The following ZFYVE9 variants were observed in gnomAD, a reference collection of about 807,000 sequenced individuals.
The protein encoded by ZFYVE9 is zinc finger FYVE domain-containing protein 9.
In ZFYVE9, 43 loss-of-function variants were observed where a neutral mutation model predicts 126.7. That is an observed-to-expected ratio of 0.34 (90% confidence interval 0.27 to 0.44). The LOEUF is 0.44. Ranked by LOEUF, ZFYVE9 falls within the 20% of genes least tolerant of loss-of-function variation. The probability of loss-of-function intolerance (pLI) is 1.00; values close to 1 mark genes in which losing one functional copy is unlikely to be tolerated. For missense variants in ZFYVE9, 1,476 were observed against 1,697.0 expected (o/e 0.87, Z 2.29); for synonymous variants, 521 against 597.4 (o/e 0.87, Z 1.87).
chr1:52,184,535 C>T (rs1057187759), intron 1 of ZFYVE9, among the ~76,000 whole-genome samples: 65 of 142,872 alleles, frequency 4.5e-4, no homozygotes, highest in African/African-American at 1.5e-3. Context: ...TGTGAGCCAC[C>T]GCATCTGGCC....
At chr1:52,268,669 A>G (rs377564342) in intron 7 of ZFYVE9, 37 bp downstream of exon 7, 14 of 1,602,244 alleles carry the variant, frequency 8.7e-6, no homozygotes, top group South Asian at 5.6e-5. Context: ...TTGCATAGCT[A>G]CTTTACTCAG....
At chr1:52,303,724 TA>T in intron 12 of ZFYVE9, 96 bp from the exon 13 acceptor site, 1 of 679,726 alleles carries the variant, frequency 1.5e-6, no homozygotes, top group Non-Finnish European at 2.3e-6. Flanking sequence ...GATCTTTCAA[TA>T]TTGACATTTT....
chr1:52,185,719 C>T (rs1037318224), intron 1 of ZFYVE9, among the ~76,000 whole-genome samples: 47 of 152,004 alleles, frequency 3.1e-4, no homozygotes, highest in African/African-American at 8.2e-4. Flanking sequence ...GTCAAGAAAT[C>T]GAGACCATCC....
At chr1:52,283,662 CT>C (rs1240893740) in intron 10 of ZFYVE9, among the ~76,000 whole-genome samples, 1 of 152,092 alleles carries the variant, frequency 6.6e-6, no homozygotes, top group African/African-American at 2.4e-5. Flanking sequence ...CAAAATTAAT[CT>C]TTGGTGATAG....
chr1:52,182,107 C>T (rs1644714501), intron 1 of ZFYVE9, among the ~76,000 whole-genome samples: 1 of 151,504 alleles, frequency 6.6e-6, no homozygotes, highest in Non-Finnish European at 1.5e-5. Context: ...GGGGGTCAGC[C>T]CCCCGTCCAG....
intron 1 of ZFYVE9, among the ~76,000 whole-genome samples, chr1:52,173,776 T>A (rs1644595367): frequency 1.3e-5 from 2 of 152,216 alleles, no homozygotes; most frequent in Non-Finnish European, 2.9e-5. Flanking sequence ...CTAGATTTTC[T>A]AGTTTATTTG....
chr1:52,314,803 C>T lies in ZFYVE9; in HGVS notation c.3438+10878C>T, dbSNP rs568717849. The stretch of plus-strand genomic sequence containing the variant: ...CTCCAACTTGGACTACAGAGTGAGA[C>T]CCGGTCTCAAAAAGAAAAAAAAAAG... On this transcript the variant is annotated intron_variant, in intron 13 of 18. Transcript: ENST00000287727. Among the ~76,000 whole-genome samples the T allele has an allele frequency of 2.0e-5, 3 of 151,604 alleles. 1 individual carries two copies. The South Asian group carries it at 6.3e-4, about 32-fold the overall frequency.
intron 1 of ZFYVE9, among the ~76,000 whole-genome samples, chr1:52,150,924 C>G (rs1644350800): frequency 6.6e-6 from 1 of 151,872 alleles, no homozygotes; most frequent in Admixed American, 6.6e-5. Context: ...TAAAACACTG[C>G]CAGTTTGAAA....
chr1:52,332,909 C>G lies in ZFYVE9; in HGVS notation c.3580C>G (p.Pro1194Ala). 6.2e-7 allele frequency: 1 copy of G among 1,613,952 alleles called. No homozygotes were observed. Among genetic ancestry groups the G allele is most frequent in the Non-Finnish European group, 8.5e-7 (1 of 1,179,956 alleles). ...CCAGGCTATCAGTATTCACAATCAG[C>G]CCAGAAAAGGTGAGCATTTGAGCTG... ...QTQAISIHNQPRKVTGASFFV... is the reference protein window; with the variant it reads ...QTQAISIHNQARKVTGASFFV... The change falls in exon 14 of 19, where the codon CCC (proline) becomes GCC (alanine). Residue 1194 changes from proline to alanine, a missense_variant. Coordinates refer to ENST00000287727, the MANE Select transcript of ZFYVE9 (RefSeq NM_004799.4).
intron 7 of ZFYVE9, among the ~76,000 whole-genome samples, chr1:52,273,067 T>C (rs1049890597): frequency 1.3e-5 from 2 of 152,088 alleles, no homozygotes; most frequent in Non-Finnish European, 2.9e-5. Context: ...AGTGCAATGG[T>C]GCGATCTTAG....
intron 8 of ZFYVE9, among the ~76,000 whole-genome samples, chr1:52,275,085 T>A (rs1329895371): frequency 6.6e-6 from 1 of 152,176 alleles, no homozygotes; most frequent in Admixed American, 6.5e-5. Context: ...TATGTGAAAT[T>A]TTATTTTTAT....
intron 10 of ZFYVE9, among the ~76,000 whole-genome samples, chr1:52,286,681 T>C (rs1261153061): frequency 6.6e-6 from 1 of 152,232 alleles, no homozygotes; most frequent in Non-Finnish European, 1.5e-5. Flanking sequence ...TGGACTTGTA[T>C]CTACCAGATT....
chr1:52,288,053 A>G (rs1645880156), intron 10 of ZFYVE9, among the ~76,000 whole-genome samples: 1 of 152,182 alleles, frequency 6.6e-6, no homozygotes, highest in South Asian at 2.1e-4. Context: ...TTTTTTGAAC[A>G]CTTAATATAT....
chr1:52,322,638 A>G (rs1435544945), intron 13 of ZFYVE9, among the ~76,000 whole-genome samples: 1 of 151,768 alleles, frequency 6.6e-6, no homozygotes, highest in East Asian at 1.9e-4. Context: ...GGCCTCCCAA[A>G]GTATTGGGAT....
At chr1:52,291,767 A>G (rs765934808) in intron 10 of ZFYVE9, among the ~76,000 whole-genome samples, 4 of 151,518 alleles carry the variant, frequency 2.6e-5, no homozygotes, top group Admixed American at 6.6e-5. Flanking sequence ...AGTCCCAGCT[A>G]CTCGGGAGGC....
Position 52,275,903 on chromosome 1 carries a change from A to ATTTTTTT in ZFYVE9, c.2746+1336_2746+1342dup, listed in dbSNP as rs34282653. ...TGTAAATTACTTACCTTAGCAAGCA[A>ATTTTTTT]TTTTTTTTTTTTTTTTTTTTTTTGA... On this transcript the variant is annotated intron_variant, in intron 8 of 18. Coordinates refer to ENST00000287727, the MANE Select transcript of ZFYVE9 (RefSeq NM_004799.4). 6.9e-5 allele frequency among the ~76,000 whole-genome samples: 8 copies of ATTTTTTT among 115,664 alleles called. 1 individual carries two copies. The highest frequency in any genetic ancestry group is 1.5e-4 in the African/African-American group (4 of 27,166). The allele number at this position is 115,664 out of a possible 152,430, so 75.9% of individuals were successfully genotyped here.
intron 11 of ZFYVE9, 25 bp from the exon 12 acceptor site, chr1:52,295,870 G>T: frequency 6.3e-7 from 1 of 1,594,232 alleles, no homozygotes; most frequent in Non-Finnish European, 8.5e-7. Context: ...CCAAATTTAA[G>T]TTTGATCATT....
Position 52,239,383 on chromosome 1 carries a change from A to G in ZFYVE9, c.1966A>G (p.Ile656Val), listed in dbSNP as rs1334156329. Residue 656 changes from isoleucine to valine, a missense_variant, in exon 4 of 19, where the codon ATC becomes GTC. By Grantham distance (29) the Ile-to-Val change is conservative. Transcript: ENST00000287727. ...GEHLESYEAE[I>V]STRPCLALAP... ...ACATTTAGAAAGTTATGAGGCTGAG[A>G]TCTCCACTAGACCATGCCTTGCATT... The G allele has an allele frequency of 5.0e-6, 8 of 1,614,088 alleles. No individual in the cohort carries two copies. Among genetic ancestry groups the G allele is most frequent in the Non-Finnish European group, 6.8e-6 (8 of 1,180,030 alleles).
intron 1 of ZFYVE9, among the ~76,000 whole-genome samples, chr1:52,173,087 A>C (rs1644589219): frequency 1.3e-5 from 2 of 151,728 alleles, no homozygotes; most frequent in South Asian, 4.2e-4. Flanking sequence ...GCCAGTTTTC[A>C]AAGGGAATGC....
Sources: allele counts gnomAD v4.1 joint callset (sites outside exome capture counted in the v4.1 genomes callset), GRCh38; gene constraint gnomAD v4.1.1; transcripts MANE v1.5; gene names NCBI Gene and HGNC (gene_info 2026-07-23, HGNC 2026-07-21).